Variants in RAI14 observed in about 807,000 individuals in gnomAD.
RAI14 encodes the protein retinoic acid induced 14.
In RAI14, 45 loss-of-function variants were observed where a neutral mutation model predicts 115.4. That is an observed-to-expected ratio of 0.39 (90% CI 0.31 to 0.50). The LOEUF is 0.50. Ranked by LOEUF, RAI14 falls within the 20% of genes least tolerant of loss-of-function variation. RAI14 has a pLI of 0.85. For missense variants in RAI14, 939 were observed against 1,131.2 expected (o/e 0.83, Z 2.44); for synonymous variants, 371 against 415.4 (o/e 0.89, Z 1.30).
chr5:34,814,809 G>A, intron 12 of RAI14, 140 bp downstream of exon 12: 1 of 664,290 alleles, frequency 1.5e-6, no homozygotes, highest in Non-Finnish European at 2.6e-6. Flanking sequence ...AGTACCCCTT[G>A]ATTATTTTTT....
At chr5:34,726,218 G>A (rs2150009291) in intron 2 of RAI14, among the ~76,000 whole-genome samples, 1 of 152,152 alleles carries the variant, frequency 6.6e-6, no homozygotes, top group Non-Finnish European at 1.5e-5. Context: ...TTGTGTATTA[G>A]CTTCTTCCCA....
chr5:34,807,062 T>C (rs1161809854), intron 5 of RAI14, among the ~76,000 whole-genome samples: 1 of 152,200 alleles, frequency 6.6e-6, no homozygotes, highest in East Asian at 1.9e-4. Context: ...AATACTTACA[T>C]AGCACTTATT....
rs141041026 is a variant in RAI14 at position 34,712,032 on chromosome 5, T to G, written c.36+25077T>G. On this transcript the variant is annotated intron_variant, in intron 2 of 17. Coordinates refer to ENST00000265109, the MANE Select transcript of RAI14 (RefSeq NM_015577.3). Reference sequence around the variant, plus strand: ...TGTTAAGTCAGTGGAACCTATAGATTGAGGGAGCCCCAATTTCAAATTTCC... The same window carrying G: ...TGTTAAGTCAGTGGAACCTATAGATGGAGGGAGCCCCAATTTCAAATTTCC... 3.9e-3 allele frequency among the ~76,000 whole-genome samples: 600 copies of G among 152,270 alleles called. 9 individuals carry two copies. The highest frequency in any genetic ancestry group is 0.014 in the African/African-American group (573 of 41,542).
chr5:34,762,639 A>C (rs746889756), intron 3 of RAI14, among the ~76,000 whole-genome samples: 1 of 152,156 alleles, frequency 6.6e-6, no homozygotes, highest in Non-Finnish European at 1.5e-5. Context: ...CAGAGCCAAG[A>C]GTTATAGCTG....
At chr5:34,764,221 A>G (rs893617379) in intron 3 of RAI14, among the ~76,000 whole-genome samples, 1 of 152,182 alleles carries the variant, frequency 6.6e-6, no homozygotes, top group African/African-American at 2.4e-5. Flanking sequence ...AGAGCTCATC[A>G]GAGCAACTTG....
chr5:34,665,539 A>G (rs1482722500), intron 1 of RAI14, among the ~76,000 whole-genome samples: 1 of 151,034 alleles, frequency 6.6e-6, no homozygotes, highest in Non-Finnish European at 1.5e-5. Context: ...CAAACCAGAG[A>G]AAACCATCCA....
At chr5:34,678,659 G>A (rs1744172903) in intron 1 of RAI14, among the ~76,000 whole-genome samples, 1 of 152,188 alleles carries the variant, frequency 6.6e-6, no homozygotes, top group South Asian at 2.1e-4. Flanking sequence ...TTTATTTTGT[G>A]TTGTTTAAAC....
Position 34,761,958 on chromosome 5 carries a change from G to A in RAI14, c.167+4360G>A, listed in dbSNP as rs189437268. ...TCTATTATATCAAATGAACAGGAAC[G>A]ACAACAGAAATGTCTCCATTCTAAG... On this transcript the variant is annotated intron_variant, in intron 3 of 17. Transcript: ENST00000265109. Among the ~76,000 whole-genome samples the A allele has an allele frequency of 6.6e-5, 10 of 152,170 alleles. No homozygotes were observed. In the East Asian group the frequency reaches 1.9e-3, roughly 29 times the overall value.
intron 3 of RAI14, among the ~76,000 whole-genome samples, chr5:34,767,274 T>C (rs1008525253): frequency 1.3e-5 from 2 of 152,158 alleles, no homozygotes; most frequent in African/African-American, 4.8e-5. Context: ...TTGCTTTTCC[T>C]CTCTCTGTTC....
At chr5:34,768,638 C>T (rs1042168409) in intron 3 of RAI14, among the ~76,000 whole-genome samples, 2 of 152,112 alleles carry the variant, frequency 1.3e-5, no homozygotes, top group African/African-American at 4.8e-5. Context: ...AGTACCATTT[C>T]CAGACTATCC....
intron 2 of RAI14, among the ~76,000 whole-genome samples, chr5:34,741,133 T>A (rs542381813): frequency 8.9e-4 from 135 of 152,238 alleles, no homozygotes; most frequent in African/African-American, 2.3e-3. Context: ...CCAGAAAAAA[T>A]TCTATTTTAA....
Position 34,699,644 on chromosome 5 carries a change from T to G in RAI14, c.36+12689T>G, listed in dbSNP as rs546101761. On this transcript the variant is annotated intron_variant, in intron 2 of 17. Transcript: ENST00000265109. The stretch of plus-strand genomic sequence containing the variant: ...ATTCTGAGACATTGGGGGTTAGGGC[T>G]TCAACATATGGATTTTGGGGGAAAC... 7.2e-5 allele frequency among the ~76,000 whole-genome samples: 11 copies of G among 152,316 alleles called. No individual in the cohort carries two copies. The South Asian group carries it at 2.3e-3, about 32-fold the overall frequency.
At chr5:34,673,519 G>GAA (rs1233942348) in intron 1 of RAI14, among the ~76,000 whole-genome samples, 1 of 152,238 alleles carries the variant, frequency 6.6e-6, no homozygotes, top group Non-Finnish European at 1.5e-5. Context: ...TTGTGCTGTT[G>GAA]AAGATCTAGG....
rs181066145 is a variant in RAI14 at position 34,753,773 on chromosome 5, G to A, written c.37-3695G>A. ...TACTAAAAATACAAAAATTAGCTGG[G>A]CGTGGTGGCATGTGCCTGTAGTCCC... On this transcript the variant is annotated intron_variant, in intron 2 of 17. Coordinates refer to ENST00000265109, the MANE Select transcript of RAI14 (RefSeq NM_015577.3). Among the ~76,000 whole-genome samples, 225 of 152,276 alleles carry A rather than the reference G, an allele frequency of 1.5e-3. 2 individuals are homozygous for A. Among genetic ancestry groups the A allele is most frequent in the South Asian group, 0.014 (70 of 4,828 alleles).
intron 4 of RAI14, among the ~76,000 whole-genome samples, chr5:34,801,584 T>C (rs1754266530): frequency 6.6e-6 from 1 of 151,866 alleles, no homozygotes; most frequent in Non-Finnish European, 1.5e-5. Flanking sequence ...TCTACTAAAA[T>C]ACAAAAATTA....
chr5:34,804,594 A>C (rs1754647367), intron 5 of RAI14, among the ~76,000 whole-genome samples: 1 of 152,236 alleles, frequency 6.6e-6, no homozygotes, highest in African/African-American at 2.4e-5. Flanking sequence ...ATGTGATCAC[A>C]TTCTTCAACT....
chr5:34,742,791 G>C (rs1745684557), intron 2 of RAI14, among the ~76,000 whole-genome samples: 1 of 152,152 alleles, frequency 6.6e-6, no homozygotes, highest in African/African-American at 2.4e-5. Flanking sequence ...AGCCTCCTGA[G>C]TAGCTGGGAT....
chr5:34,666,704 C>T (rs1306834160), intron 1 of RAI14, among the ~76,000 whole-genome samples: 4 of 152,198 alleles, frequency 2.6e-5, no homozygotes, highest in African/African-American at 4.8e-5. Context: ...AACAGGCTGC[C>T]TGCCTGACCT....
chr5:34,700,099 T>C (rs1739860530), intron 2 of RAI14, among the ~76,000 whole-genome samples: 1 of 152,176 alleles, frequency 6.6e-6, no homozygotes, highest in Non-Finnish European at 1.5e-5. Flanking sequence ...GAACTGAGAC[T>C]TCAGGTAGGT....
Sources: gnomAD v4.1 joint callset for allele counts (sites outside exome capture counted in the v4.1 genomes callset) on GRCh38, gnomAD v4.1.1 for gene constraint, MANE v1.5 for transcripts, NCBI Gene and HGNC (gene_info 2026-07-23, HGNC 2026-07-21) for gene names.